The following SYTL3 variants were observed in gnomAD, a reference collection of about 807,000 sequenced individuals.
The protein encoded by SYTL3 is synaptotagmin like 3, also known as synaptotagmin-like protein 3.
SYTL3 carries 88 observed loss-of-function variants against 82.1 expected under a neutral mutation model. That is an observed-to-expected ratio of 1.07 (90% confidence interval 0.90 to 1.28). SYTL3 has a LOEUF of 1.28. Among genes scored for constraint, SYTL3 ranks in the 50% most tolerant of loss-of-function variants. The pLI, the probability that SYTL3 is intolerant of heterozygous loss-of-function variation, is 0.00. For synonymous variants in SYTL3, 311 were observed against 289.4 expected (o/e 1.07, Z -0.76); for missense variants, 831 against 757.6 (o/e 1.10, Z -1.14).
chr6:158,661,727 C>T (rs1439747919), intron 3 of SYTL3, among the ~76,000 whole-genome samples: 1 of 152,128 alleles, frequency 6.6e-6, no homozygotes, highest in Admixed American at 6.6e-5. Flanking sequence ...CAAGAAACCA[C>T]AGTAGAATCA....
chr6:158,744,804 A>G (rs1787405087), intron 11 of SYTL3, among the ~76,000 whole-genome samples: 1 of 152,224 alleles, frequency 6.6e-6, no homozygotes, highest in Non-Finnish European at 1.5e-5. Flanking sequence ...TTTTAGGCCC[A>G]GGAATTTTGT....
chr6:158,753,300 C>G (rs1271103995), intron 13 of SYTL3, among the ~76,000 whole-genome samples: 2 of 151,616 alleles, frequency 1.3e-5, no homozygotes, highest in African/African-American at 2.4e-5. Flanking sequence ...CCAGGCTGGT[C>G]TTGAACTCCT....
At chr6:158,707,209 C>T in intron 6 of SYTL3, 21 bp from the exon 7 acceptor site, 1 of 1,612,962 alleles carries the variant, frequency 6.2e-7, no homozygotes, top group African/African-American at 1.3e-5. Context: ...AATAAACGCC[C>T]TCTATGGATA....
intron 13 of SYTL3, among the ~76,000 whole-genome samples, chr6:158,755,912 C>T (rs1345648044): frequency 6.6e-6 from 1 of 152,228 alleles, no homozygotes; most frequent in Non-Finnish European, 1.5e-5. Context: ...TGTCGGCTAC[C>T]AGACCAAGGG....
At chr6:158,747,272 C>A (rs1787783525) in intron 12 of SYTL3, among the ~76,000 whole-genome samples, 1 of 152,240 alleles carries the variant, frequency 6.6e-6, no homozygotes, top group South Asian at 2.1e-4. Flanking sequence ...CAGGCATGAA[C>A]CACTGTGCCT....
chr6:158,745,095 A>G (rs1427682087), intron 11 of SYTL3, among the ~76,000 whole-genome samples: 1 of 152,020 alleles, frequency 6.6e-6, no homozygotes, highest in Non-Finnish European at 1.5e-5. Flanking sequence ...AGTCGCAGCC[A>G]CTTAGCCCCA....
intron 5 of SYTL3, among the ~76,000 whole-genome samples, chr6:158,679,400 C>T (rs558124296): frequency 9.9e-5 from 15 of 151,640 alleles, no homozygotes; most frequent in African/African-American, 3.1e-4. Context: ...GGGATTAGTG[C>T]AGACAGGGAG....
At chr6:158,685,612 A>G (rs951111413) in intron 6 of SYTL3, among the ~76,000 whole-genome samples, 4 of 152,020 alleles carry the variant, frequency 2.6e-5, no homozygotes, top group African/African-American at 9.7e-5. Flanking sequence ...TGAGATTGGG[A>G]GTTCGAGACC....
intron 11 of SYTL3, among the ~76,000 whole-genome samples, chr6:158,736,084 G>A (rs997990456): frequency 4.6e-5 from 7 of 152,240 alleles, no homozygotes; most frequent in Non-Finnish European, 1.0e-4. Flanking sequence ...CGGGCGCGGT[G>A]TCTCACGCCT....
chr6:158,748,038 A>C (rs2128519518), intron 12 of SYTL3, among the ~76,000 whole-genome samples: 1 of 150,886 alleles, frequency 6.6e-6, no homozygotes, highest in South Asian at 2.1e-4. Context: ...TGTGGCACCC[A>C]AGGGTTTAAA....
intron 5 of SYTL3, among the ~76,000 whole-genome samples, chr6:158,668,808 G>A (rs895228058): frequency 2.0e-5 from 3 of 152,172 alleles, no homozygotes; most frequent in Admixed American, 1.3e-4. Flanking sequence ...AAAGAGAAAG[G>A]TGAAAAGTGA....
rs1168068578 is a variant in SYTL3 at position 158,764,624 on chromosome 6, C to T, written c.*20C>T. ...CACTGACATGAAGGCCTCAAGGTTC[C>T]AGGTTGCAGCAGGCGTGAGGCACTG... is the stretch of plus-strand genomic sequence containing the variant. On this transcript the variant is annotated 3_prime_UTR_variant, in exon 18 of 18. Transcript: ENST00000611299. The T allele has an allele frequency of 3.8e-6, 6 of 1,570,408 alleles. No individual in the cohort carries two copies. Among genetic ancestry groups the T allele is most frequent in the Admixed American group, 1.7e-5 (1 of 59,936 alleles).
intron 6 of SYTL3, among the ~76,000 whole-genome samples, chr6:158,694,834 G>T (rs1009068753): frequency 3.3e-5 from 5 of 152,016 alleles, no homozygotes; most frequent in African/African-American, 9.7e-5. Context: ...AGCCCTGTCC[G>T]TCACTCCATG....
intron 5 of SYTL3, among the ~76,000 whole-genome samples, chr6:158,681,869 A>G (rs1366197389): frequency 6.6e-6 from 1 of 152,204 alleles, no homozygotes; most frequent in Non-Finnish European, 1.5e-5. Context: ...AGCCCAATGC[A>G]TAACATCGAG....
intron 16 of SYTL3, among the ~76,000 whole-genome samples, chr6:158,763,054 C>G (rs951053500): frequency 2.6e-5 from 4 of 152,102 alleles, no homozygotes; most frequent in Non-Finnish European, 5.9e-5. Context: ...GGGAGGCACC[C>G]CAAGGAGGAA....
At chr6:158,648,029 C>T (rs186451690), upstream of SYTL3, among the ~76,000 whole-genome samples, 15 of 152,332 alleles carry the variant, frequency 9.8e-5, no homozygotes, top group Admixed American at 9.8e-4. Flanking sequence ...CGCAGTGGCT[C>T]ACACCTGTAA....
At chr6:158,685,848 C>CT (rs951058074) in intron 6 of SYTL3, among the ~76,000 whole-genome samples, 7 of 152,048 alleles carry the variant, frequency 4.6e-5, no homozygotes, top group African/African-American at 1.7e-4. Flanking sequence ...AAAACAAAAC[C>CT]TTTTTGTTGG....
rs765366192 is a variant in SYTL3, at chr6:158,751,933, T to G, written c.1040T>G (p.Val347Gly). The change falls in exon 13 of 18, where the codon GTG becomes GGG. Residue 347 changes from valine (V) to glycine (G), a missense_variant. By Grantham distance (109) the Val-to-Gly change is moderately radical. Transcript: ENST00000611299. The part of the protein sequence containing the change: ...EEKKKKCNPY[V>G]KTYLLPDRSS... ...CCGCTGTGTTTGGCCCCTAGGTATG[T>G]GAAGACCTACCTGTTGCCCGACAGA... The G allele has an allele frequency of 6.3e-7, 1 of 1,596,938 alleles. No homozygotes were observed. The highest frequency in any genetic ancestry group is 8.5e-7 in the Non-Finnish European group (1 of 1,172,204).
chr6:158,752,174 C>T, intron 13 of SYTL3, 144 bp downstream of exon 13: 4 of 496,732 alleles, frequency 8.1e-6, no homozygotes, highest in Non-Finnish European at 1.4e-5. Context: ...GCAGCTCTGT[C>T]AATCAGTGTT....
Sources: allele counts gnomAD v4.1 joint callset (sites outside exome capture counted in the v4.1 genomes callset), GRCh38; gene constraint gnomAD v4.1.1; transcripts MANE v1.5; gene names NCBI Gene and HGNC (gene_info 2026-07-23, HGNC 2026-07-21).